Variants in PAX5 observed in about 807,000 individuals in gnomAD.
PAX5 encodes the protein paired box protein Pax-5.
In PAX5, 9 loss-of-function variants were observed where a neutral mutation model predicts 43.7. The observed-to-expected ratio is 0.21, with a 90% confidence interval of 0.12 to 0.36. The LOEUF is 0.36. PAX5 is among the 10% of genes least tolerant of loss of function. The pLI is 1.00. For synonymous variants in PAX5, 228 were observed against 214.3 expected (o/e 1.06, Z -0.56); for missense variants, 383 against 532.7 (o/e 0.72, Z 2.77).
chr9:36,859,913 T>C (rs1435187192), intron 8 of PAX5, among the ~76,000 whole-genome samples: 1 of 151,900 alleles, frequency 6.6e-6, no homozygotes, highest in Non-Finnish European at 1.5e-5. Flanking sequence ...TGGGCACCTG[T>C]AGTCCCAGCT....
At chr9:37,010,796 G>T (rs1275895232) in intron 3 of PAX5, among the ~76,000 whole-genome samples, 1 of 152,164 alleles carries the variant, frequency 6.6e-6, no homozygotes, top group Non-Finnish European at 1.5e-5. Context: ...CAAAACCCAG[G>T]GGTCCAACTG....
chr9:36,911,106 C>T (rs1020377536), intron 7 of PAX5, among the ~76,000 whole-genome samples: 1 of 152,196 alleles, frequency 6.6e-6, no homozygotes, highest in African/African-American at 2.4e-5. Context: ...GAGTCTCTCT[C>T]TTCTCTCCCA....
At chr9:36,959,146 G>A (rs772928455) in intron 6 of PAX5, among the ~76,000 whole-genome samples, 15 of 152,304 alleles carry the variant, frequency 9.8e-5, no homozygotes, top group Non-Finnish European at 1.2e-4. Flanking sequence ...GTGCTTCAGT[G>A]TAAAAGATCT....
rs565108340 is a variant in PAX5, at chr9:36,891,139, C to CA, written c.911-9035dup. Among the ~76,000 whole-genome samples, 319 of 150,870 alleles carry CA rather than the reference C, an allele frequency of 2.1e-3. 4 individuals carry two copies. Among genetic ancestry groups the CA allele is most frequent in the African/African-American group, 7.1e-3 (292 of 41,124 alleles). ...GGGCGACAGAGCGCAACTTCATCTC[C>CA]AAAAAAACAAAAAAAAACTTCATTT... On this transcript the variant is annotated intron_variant, in intron 7 of 9. Transcript: ENST00000358127.
At chr9:37,023,342 C>G (rs1840020735) in intron 1 of PAX5, among the ~76,000 whole-genome samples, 1 of 152,182 alleles carries the variant, frequency 6.6e-6, no homozygotes, top group Non-Finnish European at 1.5e-5. Flanking sequence ...TCTGGGGTGC[C>G]AGCTCTGGCC....
intron 7 of PAX5, among the ~76,000 whole-genome samples, chr9:36,893,899 T>G (rs571601811): frequency 1.3e-5 from 2 of 152,268 alleles, no homozygotes; most frequent in Non-Finnish European, 2.9e-5. Context: ...GCACCTCTTA[T>G]CCAAGAAACT....
chr9:37,026,675 T>C, intron 1 of PAX5: 2 of 1,333,342 alleles, frequency 1.5e-6, no homozygotes, highest in South Asian at 2.6e-5. Flanking sequence ...CCAGGCACTG[T>C]GCGAGCTGGG....
intron 6 of PAX5, among the ~76,000 whole-genome samples, chr9:36,925,113 A>T (rs564304223): frequency 2.0e-5 from 3 of 152,030 alleles, no homozygotes; most frequent in Non-Finnish European, 4.4e-5. Flanking sequence ...AGGGGCTGGG[A>T]CTCAGGCACA....
At chr9:37,033,710 T>A (rs1224462507) in intron 1 of PAX5, among the ~76,000 whole-genome samples, 1 of 151,976 alleles carries the variant, frequency 6.6e-6, no homozygotes, top group Non-Finnish European at 1.5e-5. Context: ...ACTGAGTCCC[T>A]TATATAAACA....
chr9:37,030,899 A>C (rs1015083018), intron 1 of PAX5, among the ~76,000 whole-genome samples: 7 of 152,264 alleles, frequency 4.6e-5, no homozygotes, highest in African/African-American at 1.7e-4. Context: ...AATAGGGCTC[A>C]GACTGGTTGC....
chr9:36,876,811 T>C (rs1825949583), intron 8 of PAX5, among the ~76,000 whole-genome samples: 1 of 152,220 alleles, frequency 6.6e-6, no homozygotes, highest in Non-Finnish European at 1.5e-5. Flanking sequence ...CCAGAAGCTA[T>C]GTTTTGCAGA....
chr9:36,973,068 AGGAACGGAAC>A (rs1368567138), intron 5 of PAX5, among the ~76,000 whole-genome samples: 33 of 110,322 alleles, frequency 3.0e-4, no homozygotes, highest in African/African-American at 1.1e-3. Flanking sequence ...AGGAAAGGAA[AGGAACGGAAC>A]GGAACGGAAA....
At chr9:36,952,684 G>A (rs6476600) in intron 6 of PAX5, among the ~76,000 whole-genome samples, 110,136 of 151,892 alleles carry the variant, frequency 0.73, 40,340 homozygotes, top group South Asian at 0.83. Flanking sequence ...TGCAATATAC[G>A]TTTATATCTA....
At chr9:36,840,816 G>A (rs913460025) in intron 9 of PAX5, among the ~76,000 whole-genome samples, 180 bp from the exon 10 acceptor site, 1 of 152,240 alleles carries the variant, frequency 6.6e-6, no homozygotes, top group South Asian at 2.1e-4. Flanking sequence ...CTGCTCATAA[G>A]ATTTCGAGGC....
In PAX5 at chr9:36,920,939, A is replaced by T. The variant is rs563926758; in HGVS notation, c.910+2416T>A. ...AGCAATTCTCCTGCCTCAGCCTCCC[A>T]AGTAGCTAGGATTACAGGCATGCAC... On this transcript the variant is annotated intron_variant, in intron 7 of 9. Coordinates refer to ENST00000358127, the MANE Select transcript of PAX5 (RefSeq NM_016734.3). Among the ~76,000 whole-genome samples the T allele has an allele frequency of 1.8e-4, 27 of 149,024 alleles. 1 individual carries two copies. In the South Asian group the frequency reaches 5.5e-3, roughly 30 times the overall value.
rs141469346 is a variant in PAX5, at chr9:37,033,312, C to G, written c.46+674G>C. ...CACGGATCTCCATAGGCCCCAGACC[C>G]ACGTCTAGGAGTTTGCCTAGAGACA... On this transcript the variant is annotated intron_variant, in intron 1 of 9. Coordinates refer to ENST00000358127, the MANE Select transcript of PAX5 (RefSeq NM_016734.3). 3.7e-3 allele frequency among the ~76,000 whole-genome samples: 562 copies of G among 152,328 alleles called. 6 individuals carry two copies. The highest frequency in any genetic ancestry group is 0.013 in the African/African-American group (540 of 41,574).
chr9:36,867,082 C>T (rs1246207327), intron 8 of PAX5, among the ~76,000 whole-genome samples: 2 of 151,800 alleles, frequency 1.3e-5, no homozygotes, highest in East Asian at 1.9e-4. Flanking sequence ...CTTGGTTGGT[C>T]TCCTGCTTCC....
At position 36,892,252 on chromosome 9, in the gene PAX5, G is replaced by C. The variant is rs1049170404; in HGVS notation, c.911-10147C>G. ...GCGCAAGGATTCCCAGGGCAAAGTG[G>C]GCTAGCTCGTGACTTTATTCATTCG... is the stretch of plus-strand genomic sequence containing the variant. On this transcript the variant is annotated intron_variant, in intron 7 of 9. Transcript: ENST00000358127. Among the ~76,000 whole-genome samples, 2 of 152,276 alleles carry C rather than the reference G, an allele frequency of 1.3e-5. 1 individual carries two copies. The highest frequency in any genetic ancestry group is 1.3e-4 in the Admixed American group (2 of 15,302).
intron 8 of PAX5, among the ~76,000 whole-genome samples, chr9:36,881,418 C>T (rs1456315376): frequency 6.6e-6 from 1 of 152,140 alleles, no homozygotes; most frequent in Non-Finnish European, 1.5e-5. Context: ...CACCACCCCA[C>T]AATGTAAGGA....
Sources: gnomAD v4.1 joint callset for allele counts (sites outside exome capture counted in the v4.1 genomes callset) on GRCh38, gnomAD v4.1.1 for gene constraint, MANE v1.5 for transcripts, NCBI Gene and HGNC (gene_info 2026-07-23, HGNC 2026-07-21) for gene names.